Variants in LRIF1 observed in about 807,000 individuals in gnomAD.
LRIF1 encodes the protein ligand-dependent nuclear receptor-interacting factor 1.
In LRIF1, 32 loss-of-function variants were observed where a neutral mutation model predicts 52.7. The ratio of observed to expected loss-of-function variants is 0.61; its 90% confidence interval spans 0.46 to 0.82. The LOEUF (loss-of-function observed/expected upper bound fraction) is 0.82, where lower values mean the gene tolerates loss of function less well. Among genes scored for constraint, LRIF1 ranks in the 40% least tolerant of loss-of-function variants. The pLI is 0.00. For synonymous variants in LRIF1, 323 were observed against 317.4 expected, an observed-to-expected ratio of 1.02 and a Z score of -0.19; for missense variants, 887 against 892.0, an observed-to-expected ratio of 0.99 and a Z score of 0.07.
At chr1:110,879,105 C>A in the LRIF1 span, among the ~76,000 whole-genome samples, 1 of 151,990 alleles carries the variant, frequency 6.6e-6, no homozygotes, top group Non-Finnish European at 1.5e-5. Context: ...ATTATTCTTG[C>A]CCCGTGTATG....
At chr1:110,892,914 T>A in the LRIF1 span, 1 of 178,058 alleles carries the variant, frequency 5.6e-6, no homozygotes, top group Admixed American at 5.4e-5. Context: ...TGAGAGTCGC[T>A]AACTAATGGA....
chr1:110,949,850 C>A lies in LRIF1; in HGVS notation c.1869+1G>T. ...AGAGCACATTAAAATGTATTACCTA[C>A]CTGTTTTCTCTCTCCTTCCTTCACC... is the stretch of plus-strand genomic sequence containing the variant. On this transcript the variant is annotated splice_donor_variant, in intron 3 of 3. Transcript: ENST00000369763. LOFTEE classifies it high-confidence loss of function. The A allele has an allele frequency of 6.2e-7, 1 of 1,612,440 alleles. No homozygotes were observed. The highest frequency in any genetic ancestry group is 8.5e-7 in the Non-Finnish European group (1 of 1,179,026).
the LRIF1 span, among the ~76,000 whole-genome samples, chr1:110,928,350 T>G: frequency 2.0e-5 from 3 of 152,302 alleles, no homozygotes; most frequent in Non-Finnish European, 4.4e-5. Flanking sequence ...GAAAAGAGGT[T>G]TTGCTTTTCT....
chr1:110,899,276 C>A, the LRIF1 span: 4 of 981,518 alleles, frequency 4.1e-6, no homozygotes, highest in Non-Finnish European at 4.9e-6. Context: ...CCTACATGAT[C>A]ACTGCAGGAT....
At chr1:110,950,157 C>A (rs745720914) in intron 2 of LRIF1, 34 bp from the exon 3 acceptor site, 1 of 1,565,462 alleles carries the variant, frequency 6.4e-7, no homozygotes, top group East Asian at 2.2e-5. Flanking sequence ...ACAAACAATA[C>A]TGCTAATTAT....
At position 110,952,434 on chromosome 1, in the gene LRIF1, A is replaced by G. The variant is rs530380219; in HGVS notation, c.450T>C (p.Phe150=). The stretch of plus-strand genomic sequence containing the variant: ...CTTTTTGTGTTGAGGGAGGAACAGC[A>G]AATGTTTGCATGGTGAGTCCATCAA... ...VKIDGLTMQT[F]AVPPSTQKDS... Residue 150 remains phenylalanine (F), a synonymous_variant, in exon 2 of 4, where the codon TTT becomes TTC. Coordinates refer to ENST00000369763, the MANE Select transcript of LRIF1 (RefSeq NM_018372.4). 1.8e-5 allele frequency: 29 copies of G among 1,611,934 alleles called. 1 individual carries two copies. The East Asian group carries it at 2.7e-4, about 15-fold the overall frequency.
chr1:110,928,175 G>C, the LRIF1 span, among the ~76,000 whole-genome samples: 1 of 152,088 alleles, frequency 6.6e-6, no homozygotes. Flanking sequence ...TTTGTTACAA[G>C]TGTCTAGATA....
the LRIF1 span, among the ~76,000 whole-genome samples, chr1:110,920,257 C>T: frequency 1.6e-4 from 24 of 152,276 alleles, no homozygotes; most frequent in African/African-American, 5.5e-4. Context: ...TTTATAACAA[C>T]TTTATTAATA....
At chr1:110,887,286 G>C in the LRIF1 span, among the ~76,000 whole-genome samples, 12 of 151,976 alleles carry the variant, frequency 7.9e-5, no homozygotes, top group African/African-American at 2.9e-4. Context: ...GGATCGTCTC[G>C]ATCTCCTGAC....
At chr1:110,953,305 A>T (rs143461824) in intron 1 of LRIF1, among the ~76,000 whole-genome samples, 6 of 152,226 alleles carry the variant, frequency 3.9e-5, no homozygotes, top group South Asian at 2.1e-4. Flanking sequence ...CTTTTGCCTA[A>T]GCTATCTCTC....
chr1:110,882,993 A>T, the LRIF1 span, among the ~76,000 whole-genome samples: 1 of 151,980 alleles, frequency 6.6e-6, no homozygotes, highest in Admixed American at 6.5e-5. Context: ...GACATTCATG[A>T]TATCTGTGAA....
At chr1:110,896,453 A>G in the LRIF1 span, among the ~76,000 whole-genome samples, 3 of 152,102 alleles carry the variant, frequency 2.0e-5, no homozygotes, top group African/African-American at 7.2e-5. Flanking sequence ...AGGGGTCTCT[A>G]CTCCACAGGG....
Position 110,950,960 on chromosome 1 carries a change from C to T in LRIF1, c.1596+328G>A, listed in dbSNP as rs558954002. On this transcript the variant is annotated intron_variant, in intron 2 of 3. Coordinates refer to ENST00000369763, the MANE Select transcript of LRIF1 (RefSeq NM_018372.4). ...ATACATGTATGTATATACATATACT[C>T]ACATATTTTTACTAAGCTTTGAATT... Among the ~76,000 whole-genome samples the T allele has an allele frequency of 2.0e-5, 3 of 152,186 alleles. No individual in the cohort carries two copies. In the East Asian group the frequency reaches 5.8e-4, roughly 29 times the overall value.
chr1:110,881,378 C>T, the LRIF1 span, among the ~76,000 whole-genome samples: 2 of 152,214 alleles, frequency 1.3e-5, no homozygotes, highest in East Asian at 1.9e-4. Flanking sequence ...TATTTAACCT[C>T]TTTCACTCAC....
the LRIF1 span, chr1:110,894,180 A>G: frequency 1.5e-5 from 10 of 676,114 alleles, no homozygotes; most frequent in Non-Finnish European, 2.4e-5. Context: ...ATATTTTCAC[A>G]AAACAAAAGA....
At chr1:110,899,291 C>T in the LRIF1 span, 1 of 849,168 alleles carries the variant, frequency 1.2e-6, no homozygotes, top group Non-Finnish European at 1.9e-6. Context: ...CAGGATGATC[C>T]TCCTCCCATC....
At chr1:110,938,473 A>T in the LRIF1 span, 1 of 152,210 alleles carries the variant, frequency 6.6e-6, no homozygotes, top group Non-Finnish European at 1.5e-5. Flanking sequence ...GATCATTTCA[A>T]TTGATACTGA....
the LRIF1 span, among the ~76,000 whole-genome samples, chr1:110,883,842 CTT>C: frequency 1.3e-5 from 2 of 151,954 alleles, no homozygotes; most frequent in Admixed American, 6.5e-5. Context: ...ATTATATTGA[CTT>C]ATATTTTTGA....
the LRIF1 span, among the ~76,000 whole-genome samples, chr1:110,927,192 A>G: frequency 6.6e-6 from 1 of 152,180 alleles, no homozygotes; most frequent in Non-Finnish European, 1.5e-5. Flanking sequence ...TTGTAAATTC[A>G]GAATAGTGTA....
Sources: gnomAD v4.1 joint callset for allele counts (sites outside exome capture counted in the v4.1 genomes callset) on GRCh38, gnomAD v4.1.1 for gene constraint, MANE v1.5 for transcripts, NCBI Gene and HGNC (gene_info 2026-07-23, HGNC 2026-07-21) for gene names.